ZFAT: variants seen among roughly 807,000 people sequenced by gnomAD.
ZFAT encodes the protein zinc finger protein ZFAT.
In ZFAT, 64 loss-of-function variants were observed where a neutral mutation model predicts 117.7. That is an observed-to-expected ratio of 0.54 (90% CI 0.44 to 0.67). The LOEUF (loss-of-function observed/expected upper bound fraction) is 0.67. Among genes scored for constraint, ZFAT ranks in the 30% least tolerant of loss-of-function variants. The pLI is 0.00. For synonymous variants in ZFAT, 679 were observed against 615.0 expected, an observed-to-expected ratio of 1.10 and a Z score of -1.54; for missense variants, 1,433 against 1,584.5, an observed-to-expected ratio of 0.90 and a Z score of 1.62.
the ZFAT span, among the ~76,000 whole-genome samples, chr8:134,809,838 T>A: frequency 2.0e-5 from 3 of 152,210 alleles, no homozygotes; most frequent in Non-Finnish European, 2.9e-5. Flanking sequence ...TCTCTGACCA[T>A]AATTGAAACC....
intron 12 of ZFAT, among the ~76,000 whole-genome samples, chr8:134,529,099 G>C (rs1051805632): frequency 6.6e-6 from 1 of 152,138 alleles, no homozygotes. Flanking sequence ...ATTCAGAGAG[G>C]TTAAGTACCT....
intron 10 of ZFAT, among the ~76,000 whole-genome samples, chr8:134,581,816 G>A (rs997076725): frequency 4.6e-5 from 7 of 152,170 alleles, no homozygotes; most frequent in South Asian, 2.1e-4. Flanking sequence ...AAACTCCTTC[G>A]CTCAGGCAAC....
chr8:134,813,571 C>T, the ZFAT span, among the ~76,000 whole-genome samples: 4 of 152,106 alleles, frequency 2.6e-5, no homozygotes, highest in African/African-American at 9.7e-5. Flanking sequence ...GGCCACCACG[C>T]CCAGCTAATG....
At chr8:134,597,557 CATT>C (rs1182785431) in intron 7 of ZFAT, 20 of 152,118 alleles carry the variant, frequency 1.3e-4, no homozygotes, top group Admixed American at 1.3e-3. Context: ...GCGGAGAGTA[CATT>C]GTTGTATTGA....
At chr8:134,487,544 G>A (rs577904952) in intron 15 of ZFAT, among the ~76,000 whole-genome samples, 6 of 152,250 alleles carry the variant, frequency 3.9e-5, no homozygotes, top group South Asian at 2.1e-4. Context: ...TAATATTCAC[G>A]GCTTCCTGTA....
chr8:134,578,337 G>T (rs534917797), intron 10 of ZFAT, among the ~76,000 whole-genome samples: 14 of 151,342 alleles, frequency 9.3e-5, no homozygotes, highest in Middle Eastern at 6.8e-3. Context: ...CTTGAACCTG[G>T]GAGGCAGAGG....
the ZFAT span, among the ~76,000 whole-genome samples, chr8:134,806,553 G>C: frequency 6.6e-6 from 1 of 152,168 alleles, no homozygotes; most frequent in South Asian, 2.1e-4. Flanking sequence ...TGAGGATGCT[G>C]CACATTAAGT....
chr8:134,500,058 T>G (rs999832330), intron 15 of ZFAT, among the ~76,000 whole-genome samples: 2 of 152,106 alleles, frequency 1.3e-5, no homozygotes, highest in African/African-American at 4.8e-5. Context: ...CGCAGCGCTC[T>G]CCTCCATATG....
chr8:134,510,564 G>C (rs781239917), intron 14 of ZFAT: 2 of 171,026 alleles, frequency 1.2e-5, no homozygotes, highest in Admixed American at 1.2e-4. Context: ...GGACAAGCCA[G>C]TGGCTGAGGC....
chr8:134,780,190 C>T, the ZFAT span, among the ~76,000 whole-genome samples: 324 of 152,324 alleles, frequency 2.1e-3, 2 homozygotes, highest in South Asian at 0.023. Flanking sequence ...TTTCAGGTTT[C>T]TTCAATTCTA....
upstream of ZFAT, among the ~76,000 whole-genome samples, chr8:134,713,226 C>T (rs186129086): frequency 1.2e-4 from 19 of 152,312 alleles, no homozygotes; most frequent in Middle Eastern, 3.4e-3. Context: ...AGGGAGGGGC[C>T]CTCGGGAGGT....
At chr8:134,577,317 T>C (rs1825381479) in intron 10 of ZFAT, among the ~76,000 whole-genome samples, 1 of 152,226 alleles carries the variant, frequency 6.6e-6, no homozygotes, top group Non-Finnish European at 1.5e-5. Flanking sequence ...ATGCCACAGA[T>C]AGGGATCTAT....
chr8:134,643,264 C>A (rs1017465287), intron 2 of ZFAT, among the ~76,000 whole-genome samples: 1 of 152,194 alleles, frequency 6.6e-6, no homozygotes, highest in Non-Finnish European at 1.5e-5. Context: ...ACCTGTTTGC[C>A]TCAAAGTCAG....
intron 2 of ZFAT, 105 bp from the exon 3 acceptor site, chr8:134,637,817 A>T: frequency 6.9e-7 from 1 of 1,450,160 alleles, no homozygotes; most frequent in Non-Finnish European, 9.2e-7. Flanking sequence ...ACGTTTCATT[A>T]AAAATGAAAA....
chr8:134,766,388 T>G, the ZFAT span: 2 of 152,184 alleles, frequency 1.3e-5, no homozygotes, highest in African/African-American at 2.4e-5. Context: ...TTTCAAGTGT[T>G]TACAAAAGTA....
intron 2 of ZFAT, among the ~76,000 whole-genome samples, chr8:134,653,409 C>T (rs763955224): frequency 2.2e-5 from 3 of 138,114 alleles, no homozygotes; most frequent in Non-Finnish European, 3.1e-5. Context: ...AGGCACAAGC[C>T]GTTTTATCTG....
the ZFAT span, among the ~76,000 whole-genome samples, chr8:134,811,480 A>G: frequency 5.3e-5 from 8 of 152,224 alleles, no homozygotes; most frequent in Admixed American, 4.6e-4. Flanking sequence ...CATTATTCCC[A>G]GGTCAGAAAA....
intron 1 of ZFAT, among the ~76,000 whole-genome samples, chr8:134,704,797 C>T (rs574338016): frequency 1.1e-4 from 17 of 151,796 alleles, no homozygotes; most frequent in African/African-American, 3.9e-4. Flanking sequence ...TGGATATCCA[C>T]GTGCAAGAAA....
At chr8:134,720,218 T>G in the ZFAT span, among the ~76,000 whole-genome samples, 1 of 152,238 alleles carries the variant, frequency 6.6e-6, no homozygotes, top group Non-Finnish European at 1.5e-5. Flanking sequence ...AACCCTGCAC[T>G]GTGCAAAAGA....
Sources: gnomAD v4.1 joint callset for allele counts (sites outside exome capture counted in the v4.1 genomes callset) on GRCh38, gnomAD v4.1.1 for gene constraint, MANE v1.5 for transcripts, NCBI Gene and HGNC (gene_info 2026-07-23, HGNC 2026-07-21) for gene names.